The following TMEM182 variants were observed in gnomAD, a reference collection of about 807,000 sequenced individuals.
TMEM182 encodes the protein transmembrane protein 182.
A neutral mutation model predicts 26.8 loss-of-function variants in TMEM182; 20 were observed. That is an observed-to-expected ratio of 0.75 (90% confidence interval 0.53 to 1.09). The LOEUF (loss-of-function observed/expected upper bound fraction) is 1.09, where lower values mean the gene tolerates loss of function less well. TMEM182 is among the 50% of genes least tolerant of loss of function. The pLI, the probability that TMEM182 is intolerant of heterozygous loss-of-function variation, is 0.00. For missense variants in TMEM182, 277 were observed against 275.5 expected, an observed-to-expected ratio of 1.01 and a Z score of -0.04; for synonymous variants, 109 against 102.2, an observed-to-expected ratio of 1.07 and a Z score of -0.40.
At chr2:102,813,843 A>C (rs1285043314) in intron 4 of TMEM182, among the ~76,000 whole-genome samples, 1 of 152,080 alleles carries the variant, frequency 6.6e-6, no homozygotes, top group Admixed American at 6.5e-5. Context: ...ATTGTTGCTA[A>C]ATTGGGATGT....
chr2:102,814,265 G>A (rs867150402), intron 4 of TMEM182, among the ~76,000 whole-genome samples: 11 of 151,990 alleles, frequency 7.2e-5, no homozygotes. Flanking sequence ...GAAAGACCCG[G>A]GCTGAAAATC....
At chr2:102,752,388 T>C (rs1679899653) in intron 1 of TMEM182, among the ~76,000 whole-genome samples, 1 of 152,206 alleles carries the variant, frequency 6.6e-6, no homozygotes, top group Non-Finnish European at 1.5e-5. Flanking sequence ...AATTTTTAAG[T>C]GCTTACCCCA....
chr2:102,808,122 C>G (rs1029452414), intron 4 of TMEM182, among the ~76,000 whole-genome samples: 2 of 152,148 alleles, frequency 1.3e-5, no homozygotes, highest in African/African-American at 4.8e-5. Context: ...TCTTAAGAGT[C>G]TAGCTCTTTC....
At position 102,839,697 on chromosome 2, in the gene TMEM182, A is replaced by G. The variant is rs142429965; in HGVS notation, c.326-3715A>G. Among the ~76,000 whole-genome samples, 12 of 152,264 alleles carry G rather than the reference A, an allele frequency of 7.9e-5. No homozygotes were observed. In the East Asian group the frequency reaches 2.3e-3, roughly 29 times the overall value. On this transcript the variant is annotated intron_variant, in intron 3 of 3. Coordinates refer to the TMEM182 transcript ENST00000486293. ...ATACCACAAAACTCAAATGCAATGT[A>G]GCTCTAGTTGCTAGCCACACTGTGA...
At chr2:102,778,912 C>A (rs922683100) in intron 3 of TMEM182, among the ~76,000 whole-genome samples, 2 of 152,048 alleles carry the variant, frequency 1.3e-5, no homozygotes, top group Non-Finnish European at 2.9e-5. Flanking sequence ...ATTGTATTTA[C>A]CCATATTTTT....
intron 3 of TMEM182, among the ~76,000 whole-genome samples, chr2:102,786,305 C>T (rs1008991106): frequency 1.5e-4 from 22 of 150,284 alleles, no homozygotes; most frequent in Admixed American, 1.3e-4. Context: ...ACCTCTGCCA[C>T]CTGGGTTCAA....
At chr2:102,827,059 G>C (rs1218608503) in intron 3 of TMEM182, among the ~76,000 whole-genome samples, 1 of 152,198 alleles carries the variant, frequency 6.6e-6, no homozygotes, top group African/African-American at 2.4e-5. Context: ...TTTGAAACGG[G>C]TCGCTCTCAT....
At chr2:102,742,041 C>T (rs961403539) in intron 1 of TMEM182, among the ~76,000 whole-genome samples, 1 of 152,090 alleles carries the variant, frequency 6.6e-6, no homozygotes, top group Non-Finnish European at 1.5e-5. Flanking sequence ...ACAAAGCAAG[C>T]GTTAGAACTA....
chr2:102,836,430 A>G (rs1683248505), intron 3 of TMEM182, among the ~76,000 whole-genome samples: 1 of 152,170 alleles, frequency 6.6e-6, no homozygotes, highest in South Asian at 2.1e-4. Context: ...TGACCATTGT[A>G]ATACGTATAT....
upstream of TMEM182, among the ~76,000 whole-genome samples, chr2:102,760,068 G>T (rs1680160195): frequency 6.6e-6 from 1 of 152,148 alleles, no homozygotes; most frequent in Non-Finnish European, 1.5e-5. Flanking sequence ...CAGCATCCAG[G>T]TAAGAACGGC....
chr2:102,762,083 G>A lies in TMEM182; in HGVS notation c.-135G>A. On this transcript the variant is annotated 5_prime_UTR_variant, in exon 1 of 5. Transcript: ENST00000412401. ...AGCCACCAAAACATGAGCTAGGACA[G>A]CCTTCTCAAGAAGATTCTGCCAACT... 2 of 741,826 alleles carry A rather than the reference G, an allele frequency of 2.7e-6. No homozygotes were observed. Among genetic ancestry groups the A allele is most frequent in the South Asian group, 1.9e-5 (1 of 52,058 alleles). 46.0% of individuals were successfully genotyped at this position (741,826 alleles called of 1,614,324 possible).
chr2:102,792,630 AG>A (rs756740948), intron 3 of TMEM182, among the ~76,000 whole-genome samples: 2 of 152,270 alleles, frequency 1.3e-5, no homozygotes, highest in Non-Finnish European at 2.9e-5. Context: ...GCTAGAAAAT[AG>A]GAAGTTCCAA....
chr2:102,784,871 C>T (rs1573531188), intron 3 of TMEM182, among the ~76,000 whole-genome samples: 1 of 152,090 alleles, frequency 6.6e-6, no homozygotes, highest in Non-Finnish European at 1.5e-5. Context: ...TGGGTTTTTG[C>T]CAGCTTCTTT....
intron 3 of TMEM182, among the ~76,000 whole-genome samples, chr2:102,829,402 G>A (rs1646647174): frequency 6.6e-6 from 1 of 152,188 alleles, no homozygotes; most frequent in Admixed American, 6.5e-5. Flanking sequence ...ATAGCCAATG[G>A]CTAAAGAAAG....
intron 3 of TMEM182, among the ~76,000 whole-genome samples, chr2:102,781,242 G>A (rs1681155322): frequency 6.6e-6 from 1 of 152,180 alleles, no homozygotes. Context: ...GGTATGGGGT[G>A]TAAGGGAAAG....
intron 3 of TMEM182, among the ~76,000 whole-genome samples, chr2:102,780,075 C>A (rs889723599): frequency 2.7e-5 from 4 of 148,460 alleles, no homozygotes; most frequent in African/African-American, 1.0e-4. Context: ...TGTATCATGG[C>A]TATTTCCAAA....
intron 4 of TMEM182, among the ~76,000 whole-genome samples, chr2:102,812,327 T>C (rs1353249238): frequency 6.6e-6 from 1 of 151,524 alleles, no homozygotes; most frequent in Non-Finnish European, 1.5e-5. Context: ...CCATTGGCCT[T>C]TGGTGTAAAT....
At chr2:102,737,194 T>C (rs1679378168) in intron 1 of TMEM182, among the ~76,000 whole-genome samples, 1 of 152,208 alleles carries the variant, frequency 6.6e-6, no homozygotes, top group Non-Finnish European at 1.5e-5. Flanking sequence ...TGGCCACCAG[T>C]TGGTTGTGAC....
intron 1 of TMEM182, among the ~76,000 whole-genome samples, chr2:102,737,807 C>G (rs993803426): frequency 3.3e-5 from 5 of 152,120 alleles, no homozygotes; most frequent in African/African-American, 1.2e-4. Context: ...GTGACTAGCC[C>G]CTCTTTTCTT....
Sources: gnomAD v4.1 joint callset for allele counts (sites outside exome capture counted in the v4.1 genomes callset) on GRCh38, gnomAD v4.1.1 for gene constraint, MANE v1.5 for transcripts, NCBI Gene and HGNC (gene_info 2026-07-23, HGNC 2026-07-21) for gene names.